CACNG3: variants seen among roughly 807,000 people sequenced by gnomAD.
CACNG3 encodes the protein calcium voltage-gated channel auxiliary subunit gamma 3.
Under a neutral mutation model 28.5 loss-of-function variants are expected in CACNG3, and 3 were observed. The observed-to-expected ratio is 0.11, with a 90% CI of 0.05 to 0.27. The LOEUF (loss-of-function observed/expected upper bound fraction) is 0.27, where lower values mean the gene tolerates loss of function less well. Among genes scored for constraint, CACNG3 ranks in the 10% least tolerant of loss-of-function variants. CACNG3 has a pLI of 1.00. For synonymous variants in CACNG3, 174 were observed against 162.2 expected, an observed-to-expected ratio of 1.07 and a Z score of -0.55; for missense variants, 236 against 414.4, an observed-to-expected ratio of 0.57 and a Z score of 3.74.
In CACNG3 at chr16:24,297,761, C is replaced by T. The variant is rs1049619231; in HGVS notation, c.211+40796C>T. ...GGGTGCTGTGGGTAGAAGATCTCTG[C>T]GGTGTTCCAGAATCTCTCCACCCCA... On this transcript the variant is annotated intron_variant, in intron 1 of 3. Transcript: ENST00000005284. 2.8e-4 allele frequency among the ~76,000 whole-genome samples: 42 copies of T among 152,268 alleles called. 1 individual carries two copies. The highest frequency in any genetic ancestry group is 8.7e-4 in the African/African-American group (36 of 41,552).
intron 2 of CACNG3, among the ~76,000 whole-genome samples, chr16:24,350,803 A>G (rs975842666): frequency 2.0e-5 from 3 of 152,202 alleles, no homozygotes; most frequent in African/African-American, 7.2e-5. Context: ...GTTAGTCCAC[A>G]AGTCCCTAAC....
intron 1 of CACNG3, among the ~76,000 whole-genome samples, chr16:24,328,786 C>A (rs1026582160): frequency 2.0e-5 from 3 of 152,106 alleles, no homozygotes; most frequent in African/African-American, 7.2e-5. Flanking sequence ...CACCAGTGCA[C>A]CCACACAGAG....
chr16:24,347,215 G>A (rs1239879013), intron 2 of CACNG3, among the ~76,000 whole-genome samples: 4 of 152,158 alleles, frequency 2.6e-5, no homozygotes, highest in African/African-American at 9.7e-5. Context: ...CTACTCAGGA[G>A]GCTAAGGTGG....
Position 24,338,092 on chromosome 16 carries a change from C to T in CACNG3, c.212-8642C>T, listed in dbSNP as rs79077804. 9.2e-3 allele frequency among the ~76,000 whole-genome samples: 1,406 copies of T among 152,126 alleles called. 11 individuals are homozygous for T. The highest frequency in any genetic ancestry group is 0.017 in the Middle Eastern group (5 of 294). ...CCACCGCAATAGGCCTTCTTTTTTCCTACTAGCCTCTCTTCTGTTCCTCAA... is the reference window on the plus strand; with the variant it reads ...CCACCGCAATAGGCCTTCTTTTTTCTTACTAGCCTCTCTTCTGTTCCTCAA... On this transcript the variant is annotated intron_variant, in intron 1 of 3. Coordinates refer to ENST00000005284, the MANE Select transcript of CACNG3 (RefSeq NM_006539.4).
At chr16:24,359,897 A>G (rs1390832687) in intron 3 of CACNG3, among the ~76,000 whole-genome samples, 1 of 152,114 alleles carries the variant, frequency 6.6e-6, no homozygotes, top group Non-Finnish European at 1.5e-5. Context: ...ACAACAACTA[A>G]TAATCCTAAT....
chr16:24,340,277 G>A (rs1253742089), intron 1 of CACNG3, among the ~76,000 whole-genome samples: 1 of 152,036 alleles, frequency 6.6e-6, no homozygotes, highest in South Asian at 2.1e-4. Context: ...GTGCATACCT[G>A]TAGTTCCAGC....
rs1477832644 is a variant in CACNG3 at position 24,317,590 on chromosome 16, G to GGA, written c.212-29144_212-29143insGA. Among the ~76,000 whole-genome samples the GGA allele has an allele frequency of 6.4e-3, 375 of 59,010 alleles. 45 individuals carry two copies. Among genetic ancestry groups the GGA allele is most frequent in the Admixed American group, 0.045 (209 of 4,688 alleles). 38.7% of individuals were successfully genotyped at this position (59,010 alleles called of 152,430 possible). On this transcript the variant is annotated intron_variant, in intron 1 of 3. Coordinates refer to ENST00000005284, the MANE Select transcript of CACNG3 (RefSeq NM_006539.4). ...AGAAAGAAAGAAAGAAAGAAAGAAA[G>GGA]AAAGAAAGAAAGAAAGAAAGAAAGA...
In CACNG3 at chr16:24,322,332, C is replaced by A. The variant is rs370814011; in HGVS notation, c.212-24402C>A. Among the ~76,000 whole-genome samples the A allele has an allele frequency of 2.0e-5, 3 of 152,108 alleles. No homozygotes were observed. The East Asian group carries it at 5.8e-4, about 29-fold the overall frequency. On this transcript the variant is annotated intron_variant, in intron 1 of 3. Transcript: ENST00000005284. The stretch of plus-strand genomic sequence containing the variant: ...GTGAATGACTCTATCAGGTCATTAG[C>A]GCCTCAAAGGAACCCCGGCCACCCT...
At chr16:24,278,629 T>G (rs1898782063) in intron 1 of CACNG3, among the ~76,000 whole-genome samples, 1 of 151,944 alleles carries the variant, frequency 6.6e-6, no homozygotes, top group Non-Finnish European at 1.5e-5. Context: ...TAATAATAAA[T>G]AAATAAATAA....
intron 1 of CACNG3, among the ~76,000 whole-genome samples, chr16:24,304,027 A>T (rs894745281): frequency 2.0e-5 from 3 of 152,200 alleles, no homozygotes; most frequent in Admixed American, 2.0e-4. Flanking sequence ...AGAGACCCCC[A>T]TTTTTAAAAA....
intron 1 of CACNG3, among the ~76,000 whole-genome samples, chr16:24,311,631 A>G (rs1319510231): frequency 1.3e-5 from 2 of 152,030 alleles, no homozygotes; most frequent in Admixed American, 1.3e-4. Flanking sequence ...CCAGGCAGGC[A>G]GATCATCTGA....
chr16:24,271,372 A>T (rs1415928919), intron 1 of CACNG3, among the ~76,000 whole-genome samples: 1 of 152,050 alleles, frequency 6.6e-6, no homozygotes, highest in East Asian at 1.9e-4. Context: ...TTCATTTCTC[A>T]TTGTGGAAAA....
At position 24,344,861 on chromosome 16, in the gene CACNG3, C is replaced by T. The variant is rs76399022; in HGVS notation, c.212-1873C>T. Among the ~76,000 whole-genome samples, 21 of 152,270 alleles carry T rather than the reference C, an allele frequency of 1.4e-4. No homozygotes were observed. The East Asian group carries it at 2.9e-3, about 21-fold the overall frequency. On this transcript the variant is annotated intron_variant, in intron 1 of 3. Coordinates refer to ENST00000005284, the MANE Select transcript of CACNG3 (RefSeq NM_006539.4). ...GTAGCCATGGTAGCCATAATAATAA[C>T]GGCTACTATTCATAGTGTAATGGTG...
intron 3 of CACNG3, 49 bp downstream of exon 3, chr16:24,355,022 G>A (rs776924196): frequency 1.9e-6 from 3 of 1,578,596 alleles, no homozygotes; most frequent in East Asian, 4.5e-5. Context: ...CCAAACTGAA[G>A]CCAGGGCCAC....
intron 3 of CACNG3, among the ~76,000 whole-genome samples, chr16:24,355,380 C>CG (rs1900016593): frequency 8.7e-4 from 1 of 1,156 alleles, no homozygotes; most frequent in African/African-American, 4.7e-3. Flanking sequence ...TCGAGACCAG[C>CG]TGGGCAGCAC....
At chr16:24,322,283 G>A (rs1407849918) in intron 1 of CACNG3, among the ~76,000 whole-genome samples, 1 of 152,068 alleles carries the variant, frequency 6.6e-6, no homozygotes, top group Admixed American at 6.6e-5. Context: ...GATGCCCCGG[G>A]AGAACACCGC....
chr16:24,279,375 C>G (rs1268214984), intron 1 of CACNG3, among the ~76,000 whole-genome samples: 2 of 152,120 alleles, frequency 1.3e-5, no homozygotes. Context: ...CTTACTGCAG[C>G]CTTGACTTCC....
At chr16:24,353,868 T>C (rs994799329) in intron 2 of CACNG3, among the ~76,000 whole-genome samples, 2 of 152,172 alleles carry the variant, frequency 1.3e-5, no homozygotes, top group African/African-American at 4.8e-5. Flanking sequence ...GCTGGCTGCG[T>C]CATTTGCAGG....
At chr16:24,261,915 A>G (rs1167793183) in intron 1 of CACNG3, among the ~76,000 whole-genome samples, 2 of 152,154 alleles carry the variant, frequency 1.3e-5, no homozygotes, top group Non-Finnish European at 2.9e-5. Flanking sequence ...CCTTCAGGGA[A>G]GCTGCAAAGA....
Sources: allele counts gnomAD v4.1 joint callset (sites outside exome capture counted in the v4.1 genomes callset), GRCh38; gene constraint gnomAD v4.1.1; transcripts MANE v1.5; gene names NCBI Gene and HGNC (gene_info 2026-07-23, HGNC 2026-07-21).